The following ARHGAP30 variants were observed in gnomAD, a reference collection of about 807,000 sequenced individuals.
ARHGAP30 encodes the protein Rho GTPase activating protein 30, also known as rho GTPase-activating protein 30.
ARHGAP30 carries 23 observed loss-of-function variants against 72.0 expected under a neutral mutation model. That is an observed-to-expected ratio of 0.32 (90% CI 0.23 to 0.45). The LOEUF is 0.45. Ranked by LOEUF, ARHGAP30 falls within the 20% of genes least tolerant of loss-of-function variation. The pLI is 1.00. For synonymous variants in ARHGAP30, 576 were observed against 528.2 expected (o/e 1.09, Z -1.24); for missense variants, 1,319 against 1,383.4 (o/e 0.95, Z 0.74).
rs1362198793 is a variant in ARHGAP30, at chr1:161,069,751, G to A, written c.-127C>T. ...CCCCAGGGGGGCAGGGCTCCCAATT[G>A]GGGGTGGAGGGTGGCCTGGGCAACG... On this transcript the variant is annotated 5_prime_UTR_variant, in exon 1 of 12. Transcript: ENST00000368013. The surrounding 1 kb of genome is among the most constrained non-coding windows in gnomAD (Gnocchi z 4.9). 1 of 1,011,920 alleles carries A rather than the reference G, an allele frequency of 9.9e-7. No homozygotes were observed. The highest frequency in any genetic ancestry group is 1.6e-5 in the African/African-American group (1 of 61,376). The allele number at this position is 1,011,920 out of a possible 1,614,324, so 62.7% of individuals were successfully genotyped here. A position where few individuals can be genotyped will look rare whatever the true frequency, so the allele number is the denominator to read the frequency against.
chr1:161,052,669 G>A lies in ARHGAP30; in HGVS notation c.793C>T (p.Gln265Ter). 6.2e-7 allele frequency: 1 copy of A among 1,613,880 alleles called. No homozygotes were observed. Among genetic ancestry groups the A allele is most frequent in the South Asian group, 1.1e-5 (1 of 91,078 alleles). The change falls in exon 7 of 12, where the codon CAG becomes TAG. Residue 265 changes from glutamine (Q) to a stop codon, truncating the protein, a stop_gained. Transcript: ENST00000368013. LOFTEE classifies it high-confidence loss of function. ...SILQAGDGPP[Q>*]MRPYHTIIEI... Reference sequence around the variant, plus strand: ...ATGATAGTATGGTAGGGCCGCATCTGTGGGGGTCCATCGCCAGCCTGCAGT... The same window carrying A: ...ATGATAGTATGGTAGGGCCGCATCTATGGGGGTCCATCGCCAGCCTGCAGT...
rs182657554 is a variant in ARHGAP30, at chr1:161,060,824, C to T, written c.98-1108G>A. On this transcript the variant is annotated intron_variant, in intron 1 of 11. Coordinates refer to ENST00000368013, the MANE Select transcript of ARHGAP30 (RefSeq NM_001025598.2). ...TCAAGCGAGTCTCCTGCCTCAGCCTCTCAAGTAGCTAGAATTACAGACGCC... is the reference window on the plus strand; with the variant it reads ...TCAAGCGAGTCTCCTGCCTCAGCCTTTCAAGTAGCTAGAATTACAGACGCC... Among the ~76,000 whole-genome samples, 13 of 150,452 alleles carry T rather than the reference C, an allele frequency of 8.6e-5. No homozygotes were observed. In the East Asian group the frequency reaches 2.7e-3, roughly 31 times the overall value.
Position 161,049,538 on chromosome 1 carries a change from C to T in ARHGAP30, c.1572G>A (p.Val524=), listed in dbSNP as rs747792122. ...EDSSSSEPEW[V]GAEDGEVAQA... Reference sequence around the variant, plus strand: ...GGGCCACCTCCCCATCCTCTGCCCCCACCCACTCAGGTTCTGAGCTGCTTG... The same window carrying T: ...GGGCCACCTCCCCATCCTCTGCCCCTACCCACTCAGGTTCTGAGCTGCTTG... The change falls in exon 11 of 12, where the codon GTG becomes GTA. Residue 524 remains valine (V), a synonymous_variant. Transcript: ENST00000368013. 8 of 1,614,028 alleles carry T rather than the reference C, an allele frequency of 5.0e-6. No homozygotes were observed. In the South Asian group the frequency reaches 6.6e-5, roughly 13 times the overall value.
Position 161,051,383 on chromosome 1 carries a change from C to T in ARHGAP30, c.1351G>A (p.Ala451Thr). Residue 451 changes from alanine (A) to threonine (T), a missense_variant, in exon 10 of 12, where the codon GCT (alanine) becomes ACT (threonine). Physicochemically the swap from Ala to Thr is moderately conservative, Grantham distance 58. Around this residue, in one of 2 missense-constraint regions of ARHGAP30, gnomAD observed 1,097 missense variants for 1,045.2 expected, o/e 1.05. Transcript: ENST00000368013. Reference sequence around the variant, plus strand: ...GCAGGGCTTGGCCGGTGCTGTAGAGCAGGGCACTCAAGGCCACGGGTGAGC... The same window carrying T: ...GCAGGGCTTGGCCGGTGCTGTAGAGTAGGGCACTCAAGGCCACGGGTGAGC... ...ARLTRGLECP[A>T]LQHRPSPASG... 1.2e-6 allele frequency: 2 copies of T among 1,613,768 alleles called. No homozygotes were observed. The highest frequency in any genetic ancestry group is 1.7e-6 in the Non-Finnish European group (2 of 1,179,972).
chr1:161,054,841 G>A, intron 3 of ARHGAP30, 136 bp from the exon 4 acceptor site: 8 of 751,874 alleles, frequency 1.1e-5, no homozygotes, highest in East Asian at 2.6e-5. Context: ...CATCTGCGGT[G>A]CACTGACTTG....
At chr1:161,052,013 CA>C (rs1651422018) in intron 9 of ARHGAP30, among the ~76,000 whole-genome samples, 2 of 101,100 alleles carry the variant, frequency 2.0e-5, no homozygotes, top group Admixed American at 1.1e-4. Context: ...CCACCACCAC[CA>C]CCACCACCAC....
At chr1:161,055,020 C>G (rs1651718431) in intron 3 of ARHGAP30, among the ~76,000 whole-genome samples, 1 of 152,174 alleles carries the variant, frequency 6.6e-6, no homozygotes, top group African/African-American at 2.4e-5. Flanking sequence ...CCAGGGACCA[C>G]AGAGTTATTT....
chr1:161,047,320 A>G lies in ARHGAP30; in HGVS notation c.*395T>C. On this transcript the variant is annotated 3_prime_UTR_variant, in exon 12 of 12. Coordinates refer to ENST00000368013, the MANE Select transcript of ARHGAP30 (RefSeq NM_001025598.2). The stretch of plus-strand genomic sequence containing the variant: ...AAGTGTTTGTGTGTGGAAGGCCCTA[A>G]CCTGGCCCTGTCCTCCCTGTCTCTA... 5.7e-6 allele frequency: 1 copy of G among 176,580 alleles called. No homozygotes were observed. Among genetic ancestry groups the G allele is most frequent in the South Asian group, 1.2e-4 (1 of 8,366 alleles). The allele number at this position is 176,580 out of a possible 1,614,324, so 10.9% of individuals were successfully genotyped here. A position where few individuals can be genotyped will look rare whatever the true frequency, so the allele number is the denominator to read the frequency against.
In ARHGAP30 at chr1:161,048,846, C is replaced by T; in HGVS notation, c.2175G>A (p.Lys725=). The T allele has an allele frequency of 6.2e-7, 1 of 1,613,910 alleles. No individual in the cohort carries two copies. The highest frequency in any genetic ancestry group is 8.5e-7 in the Non-Finnish European group (1 of 1,179,834). The part of the protein sequence containing the change: ...AKEEKSKGQK[K]ADSMEAKGVE... Reference sequence around the variant, plus strand: ...CACCTTTAGCCTCCATACTGTCAGCCTTCTTCTGACCTTTGGACTTCTCTT... The same window carrying T: ...CACCTTTAGCCTCCATACTGTCAGCTTTCTTCTGACCTTTGGACTTCTCTT... Residue 725 remains lysine, a synonymous_variant, in exon 12 of 12, where the codon AAG becomes AAA. Transcript: ENST00000368013.
Position 161,047,460 on chromosome 1 carries a change from A to G in ARHGAP30, c.*255T>C, listed in dbSNP as rs542565837. ...GCCTACCTTATGTTCCCTTTGGCCA[A>G]TGACCCACTCCCTGGGAACAAGATC... is the stretch of plus-strand genomic sequence containing the variant. On this transcript the variant is annotated 3_prime_UTR_variant, in exon 12 of 12. Transcript: ENST00000368013. 14 of 333,848 alleles carry G rather than the reference A, an allele frequency of 4.2e-5. No homozygotes were observed. The highest frequency in any genetic ancestry group is 2.5e-4 in the African/African-American group (12 of 47,342). The allele number at this position is 333,848 out of a possible 1,614,324, so 20.7% of individuals were successfully genotyped here.
chr1:161,062,574 T>TA (rs1652388895), intron 1 of ARHGAP30, among the ~76,000 whole-genome samples: 1 of 151,608 alleles, frequency 6.6e-6, no homozygotes, highest in Admixed American at 6.6e-5. Context: ...ACTAAAAATA[T>TA]AAAAATTAGC....
chr1:161,068,211 C>T (rs180728243), intron 1 of ARHGAP30, among the ~76,000 whole-genome samples: 5 of 152,232 alleles, frequency 3.3e-5, no homozygotes, highest in Admixed American at 6.5e-5. Flanking sequence ...AATTAAATCT[C>T]ATAATCCTTG....
intron 1 of ARHGAP30, among the ~76,000 whole-genome samples, chr1:161,064,732 C>T (rs990440473): frequency 1.4e-5 from 2 of 142,406 alleles, no homozygotes; most frequent in Admixed American, 7.6e-5. Flanking sequence ...ACACCAGCCT[C>T]GGCAACAGAG....
At chr1:161,063,020 G>C (rs1652435066) in intron 1 of ARHGAP30, among the ~76,000 whole-genome samples, 1 of 152,080 alleles carries the variant, frequency 6.6e-6, no homozygotes, top group Non-Finnish European at 1.5e-5. Flanking sequence ...CCCCATGTTG[G>C]TCAGGCTGTC....
intron 9 of ARHGAP30, 77 bp downstream of exon 9, chr1:161,052,209 T>C: frequency 6.7e-7 from 1 of 1,495,064 alleles, no homozygotes; most frequent in South Asian, 1.1e-5. Context: ...TGAACACAGT[T>C]GGCTGCATGT....
chr1:161,053,506 C>CTCTCTCTCTCTCTCAT (rs1553217361), intron 5 of ARHGAP30, 121 bp from the exon 6 acceptor site: 1 of 839,996 alleles, frequency 1.2e-6, no homozygotes, highest in African/African-American at 7.3e-5. Flanking sequence ...CTCTCTCTCT[C>CTCTCTCTCTCTCTCAT]GAATGACCTT....
intron 10 of ARHGAP30, 122 bp downstream of exon 10, chr1:161,051,192 A>T: frequency 6.9e-7 from 1 of 1,456,068 alleles, no homozygotes; most frequent in Non-Finnish European, 9.0e-7. Flanking sequence ...AGCTAAAGGT[A>T]ACCACCCCAA....
At chr1:161,061,285 CCTCCCAAGTAG>C (rs1266743370) in intron 1 of ARHGAP30, among the ~76,000 whole-genome samples, 1 of 152,084 alleles carries the variant, frequency 6.6e-6, no homozygotes, top group Admixed American at 6.6e-5. Context: ...CCTGCCTCAG[CCTCCCAAGTAG>C]CTGGAATTAC....
chr1:161,059,840 G>T, intron 1 of ARHGAP30, 124 bp from the exon 2 acceptor site: 1 of 764,060 alleles, frequency 1.3e-6, no homozygotes, highest in Non-Finnish European at 2.1e-6. Flanking sequence ...ATAAAAACTT[G>T]TCAGAACAAT....
Sources: allele counts gnomAD v4.1 joint callset (sites outside exome capture counted in the v4.1 genomes callset), GRCh38; gene constraint gnomAD v4.1.1; regional missense constraint gnomAD v4.1.1; non-coding constraint Gnocchi (gnomAD v3.1); transcripts MANE v1.5; gene names NCBI Gene and HGNC (gene_info 2026-07-23, HGNC 2026-07-21).